Variants in PTTG1IP2 observed in about 807,000 individuals in gnomAD.
The protein encoded by PTTG1IP2 is PTTG1IP family member 2.
At chr7:90,482,599 C>G (rs923897532) in intron 2 of PTTG1IP2, among the ~76,000 whole-genome samples, 1 of 151,136 alleles carries the variant, frequency 6.6e-6, no homozygotes, top group African/African-American at 2.4e-5. Context: ...AAAAATCAGG[C>G]TAACTAAAAA....
chr7:90,486,275 A>G (rs1458124310), intron 2 of PTTG1IP2, among the ~76,000 whole-genome samples: 2 of 152,116 alleles, frequency 1.3e-5, no homozygotes, highest in East Asian at 1.9e-4. Flanking sequence ...TAGGTATGCA[A>G]TCTTATGTAA....
intron 1 of PTTG1IP2, among the ~76,000 whole-genome samples, chr7:90,471,797 G>A (rs189705128): frequency 6.4e-4 from 98 of 152,316 alleles, no homozygotes; most frequent in African/African-American, 2.2e-3. Context: ...GGCTACTGCA[G>A]AGAAATAGGT....
At chr7:90,477,713 T>G (rs1276488332) in intron 1 of PTTG1IP2, among the ~76,000 whole-genome samples, 5 of 152,164 alleles carry the variant, frequency 3.3e-5, no homozygotes, top group African/African-American at 1.2e-4. Context: ...TAGAGACTGG[T>G]GAAATCCTGA....
intron 3 of PTTG1IP2, among the ~76,000 whole-genome samples, chr7:90,487,632 A>T (rs1248724870): frequency 6.6e-6 from 1 of 152,202 alleles, no homozygotes; most frequent in African/African-American, 2.4e-5. Context: ...ATAAAAATAA[A>T]AATATAGCAA....
rs559596440 is a variant in PTTG1IP2, at chr7:90,503,120, C to T, written c.*50+8690C>T. ...TTCTACATTAGCACCTGCTGCTTCG[C>T]CTTGCACTTTTTTATTATGGAGATG... On this transcript the variant is annotated intron_variant, in intron 6 of 6. Coordinates refer to ENST00000509356, the MANE Select transcript of PTTG1IP2 (RefSeq NM_001365443.2). Among the ~76,000 whole-genome samples, 5 of 152,324 alleles carry T rather than the reference C, an allele frequency of 3.3e-5. No individual in the cohort carries two copies. In the South Asian group the frequency reaches 1.0e-3, roughly 32 times the overall value.
intron 2 of PTTG1IP2, among the ~76,000 whole-genome samples, chr7:90,482,932 C>T (rs953435079): frequency 6.6e-6 from 1 of 152,116 alleles, no homozygotes; most frequent in African/African-American, 2.4e-5. Context: ...ATCTATTGCA[C>T]AGTTCATAGG....
intron 5 of PTTG1IP2, chr7:90,494,036 T>G (rs945297220): frequency 6.6e-6 from 1 of 152,222 alleles, no homozygotes; most frequent in Non-Finnish European, 1.5e-5. Context: ...GGTCCACACT[T>G]CTTTCCTAGA....
At chr7:90,481,513 T>G (rs1179623769) in intron 2 of PTTG1IP2, among the ~76,000 whole-genome samples, 2 of 152,128 alleles carry the variant, frequency 1.3e-5, no homozygotes, top group African/African-American at 4.8e-5. Flanking sequence ...AGCAGCAATT[T>G]CCCCATCCCA....
At chr7:90,483,223 A>G (rs933039069) in intron 2 of PTTG1IP2, among the ~76,000 whole-genome samples, 1 of 152,044 alleles carries the variant, frequency 6.6e-6, no homozygotes, top group African/African-American at 2.4e-5. Context: ...GCACTTTACC[A>G]CTGTTGGCAT....
intron 6 of PTTG1IP2, among the ~76,000 whole-genome samples, chr7:90,512,461 C>T (rs939873880): frequency 4.6e-5 from 7 of 152,070 alleles, no homozygotes; most frequent in African/African-American, 1.2e-4. Flanking sequence ...GGAGAAGGGA[C>T]GAACCGGGTG....
chr7:90,489,027 A>G (rs1210475609), intron 4 of PTTG1IP2, 63 bp downstream of exon 4: 1 of 151,860 alleles, frequency 6.6e-6, no homozygotes, highest in Non-Finnish European at 1.5e-5. Context: ...GAGAATACTA[A>G]GCTAGTCATC....
intron 6 of PTTG1IP2, among the ~76,000 whole-genome samples, chr7:90,509,162 G>A (rs958355585): frequency 2.1e-4 from 31 of 149,546 alleles, no homozygotes; most frequent in African/African-American, 7.4e-4. Context: ...AGATTTGTAA[G>A]GAAACATACC....
chr7:90,493,068 A>T (rs1419097853), intron 5 of PTTG1IP2, among the ~76,000 whole-genome samples: 3 of 152,144 alleles, frequency 2.0e-5, no homozygotes, highest in Admixed American at 6.5e-5. Flanking sequence ...CCACAAAAAA[A>T]TTTTACATCA....
chr7:90,482,657 T>C (rs2116063186), intron 2 of PTTG1IP2, among the ~76,000 whole-genome samples: 1 of 152,332 alleles, frequency 6.6e-6, no homozygotes, highest in East Asian at 1.9e-4. Flanking sequence ...TCAGTCGTTA[T>C]GCATCCCTGT....
intron 6 of PTTG1IP2, among the ~76,000 whole-genome samples, chr7:90,508,256 C>T (rs1427122418): frequency 7.3e-6 from 1 of 136,740 alleles, no homozygotes; most frequent in Non-Finnish European, 1.6e-5. Flanking sequence ...ACAGTGAGAA[C>T]TCGTCTCAAA....
At chr7:90,506,625 G>A (rs1457713963) in intron 6 of PTTG1IP2, among the ~76,000 whole-genome samples, 2 of 151,976 alleles carry the variant, frequency 1.3e-5, no homozygotes, top group Non-Finnish European at 2.9e-5. Flanking sequence ...TAATTAGCTG[G>A]ATATGGTAGC....
At chr7:90,483,538 A>G (rs943020547) in intron 2 of PTTG1IP2, among the ~76,000 whole-genome samples, 1 of 152,192 alleles carries the variant, frequency 6.6e-6, no homozygotes, top group African/African-American at 2.4e-5. Flanking sequence ...TGGAAAACAC[A>G]AACAAAACCA....
At chr7:90,502,828 T>C (rs1798074659) in intron 6 of PTTG1IP2, among the ~76,000 whole-genome samples, 1 of 152,212 alleles carries the variant, frequency 6.6e-6, no homozygotes, top group African/African-American at 2.4e-5. Context: ...TTAGCATAAT[T>C]CTTAAGTGTC....
intron 2 of PTTG1IP2, among the ~76,000 whole-genome samples, chr7:90,486,090 G>C (rs567982455): frequency 6.6e-6 from 1 of 152,214 alleles, no homozygotes; most frequent in East Asian, 1.9e-4. Flanking sequence ...ATATACCCTT[G>C]GTACTTACGC....
Sources: gnomAD v4.1 joint callset for allele counts (sites outside exome capture counted in the v4.1 genomes callset) on GRCh38, gnomAD v4.1.1 for gene constraint, MANE v1.5 for transcripts, NCBI Gene and HGNC (gene_info 2026-07-23, HGNC 2026-07-21) for gene names.